UNC5D: variants seen among roughly 807,000 people sequenced by gnomAD.
UNC5D encodes unc-5 netrin receptor D.
A neutral mutation model predicts 105.4 loss-of-function variants in UNC5D; 39 were observed. That is an observed-to-expected ratio of 0.37 (90% confidence interval 0.29 to 0.48). The LOEUF (loss-of-function observed/expected upper bound fraction) is 0.48, where lower values mean the gene tolerates loss of function less well. Ranked by LOEUF, UNC5D falls within the 20% of genes least tolerant of loss-of-function variation. UNC5D has a pLI of 0.98. For synonymous variants in UNC5D, 452 were observed against 450.4 expected, an observed-to-expected ratio of 1.00 and a Z score of -0.04; for missense variants, 991 against 1,202.4, an observed-to-expected ratio of 0.82 and a Z score of 2.60.
intron 1 of UNC5D, among the ~76,000 whole-genome samples, chr8:35,358,147 G>A (rs556329722): frequency 1.3e-5 from 2 of 152,216 alleles, no homozygotes; most frequent in South Asian, 4.2e-4. Context: ...CCATTACTGG[G>A]TATATACCCA....
intron 3 of UNC5D, among the ~76,000 whole-genome samples, chr8:35,588,198 C>G (rs1410010320): frequency 6.6e-6 from 1 of 151,652 alleles, no homozygotes; most frequent in Non-Finnish European, 1.5e-5. Context: ...TATTTATGCT[C>G]CACCCTCTCA....
chr8:35,249,000 AAC>A (rs1384805511), intron 1 of UNC5D, among the ~76,000 whole-genome samples: 1 of 84,208 alleles, frequency 1.2e-5, no homozygotes, highest in African/African-American at 4.5e-5. Context: ...ATTATATATA[AAC>A]ATATATAATA....
chr8:35,724,104 G>C, intron 9 of UNC5D: 1 of 1,385,724 alleles, frequency 7.2e-7, no homozygotes, highest in Non-Finnish European at 9.3e-7. Context: ...CAGGCAGCAG[G>C]TGAGAAGGGT....
chr8:35,722,712 G>A (rs577438872), intron 9 of UNC5D, among the ~76,000 whole-genome samples: 1 of 152,240 alleles, frequency 6.6e-6, no homozygotes, highest in South Asian at 2.1e-4. Flanking sequence ...TTTTGAGGAT[G>A]TATATTTAAT....
intron 1 of UNC5D, among the ~76,000 whole-genome samples, chr8:35,300,666 A>G (rs1176885007): frequency 2.0e-5 from 3 of 152,114 alleles, no homozygotes; most frequent in East Asian, 3.9e-4. Flanking sequence ...ATATTATGAA[A>G]CTAAAGTTTA....
At chr8:35,787,472 C>T (rs1316222769) in intron 16 of UNC5D, among the ~76,000 whole-genome samples, 1 of 152,152 alleles carries the variant, frequency 6.6e-6, no homozygotes, top group Non-Finnish European at 1.5e-5. Context: ...CTCCATTTGC[C>T]TCTCTCCCAG....
At chr8:35,697,343 T>G (rs927385297) in intron 7 of UNC5D, among the ~76,000 whole-genome samples, 1 of 151,912 alleles carries the variant, frequency 6.6e-6, no homozygotes, top group Non-Finnish European at 1.5e-5. Context: ...ATGTTTTTTT[T>G]TTTTTGGAGA....
intron 3 of UNC5D, among the ~76,000 whole-genome samples, chr8:35,569,656 A>G (rs1817589842): frequency 6.6e-6 from 1 of 152,202 alleles, no homozygotes; most frequent in African/African-American, 2.4e-5. Context: ...AATTAATTTT[A>G]GCCAACAATT....
At chr8:35,562,863 A>G (rs1817057895) in intron 2 of UNC5D, among the ~76,000 whole-genome samples, 1 of 152,098 alleles carries the variant, frequency 6.6e-6, no homozygotes. Context: ...TTAAGGACTT[A>G]TTAAATAAAT....
intron 4 of UNC5D, among the ~76,000 whole-genome samples, chr8:35,627,375 G>A (rs1011149329): frequency 3.9e-5 from 6 of 152,106 alleles, no homozygotes; most frequent in East Asian, 3.9e-4. Flanking sequence ...GAGAATCAGG[G>A]GAGCTGCAGA....
At chr8:35,341,697 AC>A (rs1463457322) in intron 1 of UNC5D, among the ~76,000 whole-genome samples, 2 of 152,154 alleles carry the variant, frequency 1.3e-5, no homozygotes, top group Non-Finnish European at 2.9e-5. Flanking sequence ...TACTAGCAAA[AC>A]ATCTTAATAA....
chr8:35,534,974 G>A (rs1296784242), intron 1 of UNC5D, among the ~76,000 whole-genome samples: 8 of 151,972 alleles, frequency 5.3e-5, no homozygotes, highest in African/African-American at 1.7e-4. Context: ...ATTCCTCTTA[G>A]GGCACACTGA....
intron 1 of UNC5D, among the ~76,000 whole-genome samples, chr8:35,493,756 T>C (rs1760222831): frequency 6.6e-6 from 1 of 152,164 alleles, no homozygotes; most frequent in African/African-American, 2.4e-5. Context: ...TGTAGAATGC[T>C]TTAAAAATGG....
intron 7 of UNC5D, among the ~76,000 whole-genome samples, chr8:35,698,028 A>G (rs1182354575): frequency 2.6e-5 from 4 of 151,936 alleles, no homozygotes; most frequent in South Asian, 2.1e-4. Flanking sequence ...GGAACAACCA[A>G]CCCTTGACAC....
intron 4 of UNC5D, among the ~76,000 whole-genome samples, chr8:35,636,643 C>T (rs1822389284): frequency 3.3e-5 from 5 of 152,112 alleles, no homozygotes; most frequent in Admixed American, 3.3e-4. Flanking sequence ...CCCTGTCTTC[C>T]CCAGTGAGGG....
chr8:35,643,062 A>T (rs756510552), intron 4 of UNC5D, among the ~76,000 whole-genome samples: 7 of 152,040 alleles, frequency 4.6e-5, no homozygotes, highest in Non-Finnish European at 8.8e-5. Context: ...GAGAAGTGAG[A>T]GTTACTCTCC....
intron 4 of UNC5D, among the ~76,000 whole-genome samples, chr8:35,653,177 T>C (rs868746050): frequency 6.6e-6 from 1 of 152,010 alleles, no homozygotes; most frequent in African/African-American, 2.4e-5. Flanking sequence ...ATTCGCCCAC[T>C]TCAGCCTCCC....
chr8:35,267,332 C>A lies in UNC5D; in HGVS notation c.103+31445C>A, dbSNP rs1044718617. Among the ~76,000 whole-genome samples the A allele has an allele frequency of 1.1e-4, 16 of 152,160 alleles. No homozygotes were observed. In the South Asian group the frequency reaches 1.2e-3, roughly 12 times the overall value. ...TCAACCACATAGGCACAAAGAATAG[C>A]ATGTTGTATTGATATAGCTAATTTC... is the stretch of plus-strand genomic sequence containing the variant. On this transcript the variant is annotated intron_variant, in intron 1 of 16. Coordinates refer to ENST00000404895, the MANE Select transcript of UNC5D (RefSeq NM_080872.4).
chr8:35,756,355 A>G (rs1830517174), intron 13 of UNC5D, among the ~76,000 whole-genome samples: 1 of 152,112 alleles, frequency 6.6e-6, no homozygotes, highest in Admixed American at 6.6e-5. Flanking sequence ...CTTTTCTTCC[A>G]TGATAATTAT....
Sources: gnomAD v4.1 joint callset for allele counts (sites outside exome capture counted in the v4.1 genomes callset) on GRCh38, gnomAD v4.1.1 for gene constraint, MANE v1.5 for transcripts, NCBI Gene and HGNC (gene_info 2026-07-23, HGNC 2026-07-21) for gene names.